The following PCCA variants were observed in gnomAD, a reference collection of about 807,000 sequenced individuals.
PCCA encodes the protein propionyl-CoA carboxylase alpha chain, mitochondrial.
In PCCA, 74 loss-of-function variants were observed where a neutral mutation model predicts 101.3. That is an observed-to-expected ratio of 0.73 (90% CI 0.61 to 0.89). PCCA has a LOEUF of 0.89. Ranked by LOEUF, PCCA falls within the 40% of genes least tolerant of loss-of-function variation. The pLI is 0.00. For missense variants in PCCA, 891 were observed against 907.0 expected (o/e 0.98, Z 0.23); for synonymous variants, 294 against 313.6 (o/e 0.94, Z 0.66).
intron 12 of PCCA, among the ~76,000 whole-genome samples, chr13:100,296,768 T>C (rs2065569493): frequency 6.6e-6 from 1 of 152,198 alleles, no homozygotes; most frequent in Non-Finnish European, 1.5e-5. Context: ...AACAAGTAAA[T>C]TTTCTTATGT....
intron 18 of PCCA, among the ~76,000 whole-genome samples, chr13:100,355,223 A>G (rs1291669669): frequency 6.6e-6 from 1 of 152,146 alleles, no homozygotes; most frequent in Non-Finnish European, 1.5e-5. Context: ...ATTATCTCAA[A>G]TGCAAAAAAA....
intron 6 of PCCA, among the ~76,000 whole-genome samples, chr13:100,182,164 C>G (rs1377723012): frequency 1.5e-5 from 2 of 131,328 alleles, no homozygotes; most frequent in Non-Finnish European, 3.1e-5. Context: ...GTGGCTTGAT[C>G]TTGGCTTACT....
At chr13:100,170,672 T>C (rs1307752255) in intron 6 of PCCA, among the ~76,000 whole-genome samples, 1 of 152,252 alleles carries the variant, frequency 6.6e-6, no homozygotes, top group Non-Finnish European at 1.5e-5. Flanking sequence ...TGCTAGTTGA[T>C]TGTTGAGTGC....
intron 1 of PCCA, among the ~76,000 whole-genome samples, chr13:100,095,933 T>TA (rs2046730442): frequency 2.0e-5 from 3 of 150,674 alleles, no homozygotes; most frequent in Admixed American, 1.3e-4. Context: ...GGGACTGGGG[T>TA]GGGAAGAGTG....
At chr13:100,294,020 G>A (rs564741955) in intron 12 of PCCA, among the ~76,000 whole-genome samples, 1 of 152,308 alleles carries the variant, frequency 6.6e-6, no homozygotes, top group African/African-American at 2.4e-5. Flanking sequence ...TGGGGTGGCT[G>A]AAACAACAAA....
chr13:100,231,061 G>A (rs926806534), intron 7 of PCCA, among the ~76,000 whole-genome samples: 2 of 152,118 alleles, frequency 1.3e-5, no homozygotes, highest in African/African-American at 2.4e-5. Flanking sequence ...CAGTTACCAC[G>A]CCTGAGAAAG....
intron 21 of PCCA, among the ~76,000 whole-genome samples, chr13:100,485,727 A>G (rs948147287): frequency 6.6e-6 from 1 of 152,234 alleles, no homozygotes; most frequent in East Asian, 1.9e-4. Context: ...GGCTTGGGTC[A>G]TAATGATAAT....
At chr13:100,409,150 G>T (rs2077868000) in intron 19 of PCCA, among the ~76,000 whole-genome samples, 1 of 152,152 alleles carries the variant, frequency 6.6e-6, no homozygotes, top group South Asian at 2.1e-4. Flanking sequence ...GAAGAAAAGG[G>T]CTATGGAAAG....
In PCCA at chr13:100,188,324, CA is replaced by C. The variant is rs768210264; in HGVS notation, c.469-21003del. ...CAAAACAAAACAAAACAAAACAAAA[CA>C]AAAACACAAAGAAAGAAAGAAAGAA... On this transcript the variant is annotated intron_variant, in intron 6 of 23. Transcript: ENST00000376285. 9.6e-4 allele frequency among the ~76,000 whole-genome samples: 141 copies of C among 146,498 alleles called. 4 individuals carry two copies. In the South Asian group the frequency reaches 0.028, roughly 29 times the overall value.
At chr13:100,137,079 T>G (rs910002479) in intron 4 of PCCA, among the ~76,000 whole-genome samples, 1 of 152,066 alleles carries the variant, frequency 6.6e-6, no homozygotes, top group Admixed American at 6.5e-5. Flanking sequence ...GTTTTCATTT[T>G]TGTTAAGAAT....
intron 6 of PCCA, among the ~76,000 whole-genome samples, chr13:100,209,099 CAGA>C (rs1450306840): frequency 6.6e-6 from 1 of 152,156 alleles, no homozygotes; most frequent in Non-Finnish European, 1.5e-5. Flanking sequence ...ACTGTTTACC[CAGA>C]AGGAGTTCTT....
chr13:100,214,129 A>G (rs2059380476), intron 7 of PCCA, among the ~76,000 whole-genome samples: 1 of 152,102 alleles, frequency 6.6e-6, no homozygotes, highest in South Asian at 2.1e-4. Flanking sequence ...TCTGTAGTAT[A>G]ATTTTAAGTC....
intron 19 of PCCA, among the ~76,000 whole-genome samples, chr13:100,386,496 C>T (rs1332086028): frequency 6.6e-6 from 1 of 152,174 alleles, no homozygotes; most frequent in African/African-American, 2.4e-5. Context: ...ATTCTCCTGC[C>T]TCAGCCTCCT....
chr13:100,475,032 G>A (rs2083311085), intron 21 of PCCA, among the ~76,000 whole-genome samples: 1 of 151,840 alleles, frequency 6.6e-6, no homozygotes, highest in Non-Finnish European at 1.5e-5. Flanking sequence ...GCTAACACTT[G>A]TTATTATTAG....
Position 100,150,637 on chromosome 13 carries a change from T to G in PCCA, c.301-4342T>G, listed in dbSNP as rs1026875761. On this transcript the variant is annotated intron_variant, in intron 4 of 23. Coordinates refer to ENST00000376285, the MANE Select transcript of PCCA (RefSeq NM_000282.4). ...CACATCTCCCTGTGCTGTGGACTGA[T>G]TTGGTGATCCATTAGGTGTCAGGAT... 3.1e-6 allele frequency: 4 copies of G among 1,280,166 alleles called. No homozygotes were observed. The African/African-American group carries it at 4.4e-5, about 14-fold the overall frequency. 79.3% of individuals were successfully genotyped at this position (1,280,166 alleles called of 1,614,324 possible). A position where few individuals can be genotyped will look rare whatever the true frequency, so the allele number is the denominator to read the frequency against.
chr13:100,514,746 A>T (rs1483177417), intron 21 of PCCA, among the ~76,000 whole-genome samples: 1 of 152,138 alleles, frequency 6.6e-6, no homozygotes, highest in Non-Finnish European at 1.5e-5. Context: ...AGTGTTTATA[A>T]CATCTTGATG....
intron 17 of PCCA, among the ~76,000 whole-genome samples, chr13:100,336,189 G>C (rs991318722): frequency 2.6e-5 from 4 of 152,164 alleles, no homozygotes; most frequent in Non-Finnish European, 2.9e-5. Flanking sequence ...TTGAACCCAG[G>C]AGGTAAAGGT....
At chr13:100,453,434 G>A (rs2081479362) in intron 21 of PCCA, among the ~76,000 whole-genome samples, 1 of 151,834 alleles carries the variant, frequency 6.6e-6, no homozygotes, top group African/African-American at 2.4e-5. Flanking sequence ...CCTTGGAGGT[G>A]GAGGTTGTAG....
chr13:100,485,869 C>T (rs1263692892), intron 21 of PCCA, among the ~76,000 whole-genome samples: 3 of 152,206 alleles, frequency 2.0e-5, no homozygotes, highest in Non-Finnish European at 4.4e-5. Context: ...TAAGCTGGTA[C>T]TAGGAATGAG....
Sources: gnomAD v4.1 joint callset for allele counts (sites outside exome capture counted in the v4.1 genomes callset) on GRCh38, gnomAD v4.1.1 for gene constraint, MANE v1.5 for transcripts, NCBI Gene and HGNC (gene_info 2026-07-23, HGNC 2026-07-21) for gene names.